Variants in RNF220 observed in about 807,000 individuals in gnomAD.
The protein encoded by RNF220 is ring finger protein 220.
A neutral mutation model predicts 67.1 loss-of-function variants in RNF220; 7 were observed. The ratio of observed to expected loss-of-function variants is 0.10; its 90% confidence interval spans 0.06 to 0.20. The LOEUF (loss-of-function observed/expected upper bound fraction) is 0.20, where lower values mean the gene tolerates loss of function less well. Among genes scored for constraint, RNF220 ranks in the 10% least tolerant of loss-of-function variants. The pLI, the probability that RNF220 is intolerant of heterozygous loss-of-function variation, is 1.00. For synonymous variants in RNF220, 270 were observed against 283.2 expected, an observed-to-expected ratio of 0.95 and a Z score of 0.47; for missense variants, 565 against 740.3, an observed-to-expected ratio of 0.76 and a Z score of 2.75.
intron 2 of RNF220, among the ~76,000 whole-genome samples, chr1:44,465,142 C>A (rs1017294041): frequency 6.6e-6 from 1 of 151,926 alleles, no homozygotes; most frequent in South Asian, 2.1e-4. Context: ...ACCTGAAAAC[C>A]CATACTGTTT....
At chr1:44,596,039 C>T (rs1040765908) in intron 2 of RNF220, among the ~76,000 whole-genome samples, 2 of 152,172 alleles carry the variant, frequency 1.3e-5, no homozygotes, top group African/African-American at 2.4e-5. Flanking sequence ...GCTGGGATTA[C>T]GGGCGTGCGC....
chr1:44,560,969 T>C (rs549938042), intron 2 of RNF220, among the ~76,000 whole-genome samples: 119 of 152,326 alleles, frequency 7.8e-4, no homozygotes, highest in African/African-American at 2.7e-3. Flanking sequence ...AATCGCCTCA[T>C]GAAAGGTAAA....
chr1:44,528,850 G>A (rs745422055), intron 2 of RNF220, among the ~76,000 whole-genome samples: 5 of 152,002 alleles, frequency 3.3e-5, no homozygotes, highest in Non-Finnish European at 5.9e-5. Flanking sequence ...CTGACCTCAG[G>A]CGATCCACCC....
At chr1:44,432,340 G>A (rs779476838) in intron 2 of RNF220, among the ~76,000 whole-genome samples, 3 of 151,686 alleles carry the variant, frequency 2.0e-5, no homozygotes, top group Non-Finnish European at 2.9e-5. Context: ...GCGCGATCTC[G>A]GCTCACTGCA....
At chr1:44,625,026 TGAGAGAGA>T (rs71665956) in intron 4 of RNF220, among the ~76,000 whole-genome samples, 140 of 146,744 alleles carry the variant, frequency 9.5e-4, no homozygotes, top group East Asian at 1.4e-3. Flanking sequence ...CTAGAGAGAA[TGAGAGAGA>T]GAGAGAGAGA....
At chr1:44,463,329 C>CT (rs979876224) in intron 2 of RNF220, among the ~76,000 whole-genome samples, 2 of 144,428 alleles carry the variant, frequency 1.4e-5, no homozygotes, top group Non-Finnish European at 3.0e-5. Flanking sequence ...GAGCAAAACT[C>CT]TGTCTCAAAA....
chr1:44,608,176 C>T lies in RNF220; in HGVS notation c.626-5989C>T, dbSNP rs191115477. 4.0e-3 allele frequency among the ~76,000 whole-genome samples: 606 copies of T among 152,204 alleles called. 6 individuals are homozygous for T. Among genetic ancestry groups the T allele is most frequent in the African/African-American group, 0.014 (582 of 41,524 alleles). ...CTGGCCTTAAGCAGTCCTCCCACCT[C>T]GGCCTCTCGAAGTGCTAGGATTACA... is the stretch of plus-strand genomic sequence containing the variant. On this transcript the variant is annotated intron_variant, in intron 2 of 14. Coordinates refer to ENST00000361799, the MANE Select transcript of RNF220 (RefSeq NM_018150.4).
chr1:44,459,196 A>T (rs1221482729), intron 2 of RNF220, among the ~76,000 whole-genome samples: 1 of 148,188 alleles, frequency 6.7e-6, no homozygotes, highest in Non-Finnish European at 1.5e-5. Flanking sequence ...GTTTTTTTTT[A>T]ATTTCAAGGT....
intron 2 of RNF220, among the ~76,000 whole-genome samples, chr1:44,516,114 A>G (rs1303923885): frequency 6.6e-6 from 1 of 152,220 alleles, no homozygotes. Flanking sequence ...CTTTTTGCTT[A>G]AAATTATGGA....
At chr1:44,548,006 T>G (rs1286890205) in intron 2 of RNF220, among the ~76,000 whole-genome samples, 1 of 152,116 alleles carries the variant, frequency 6.6e-6, no homozygotes, top group East Asian at 1.9e-4. Context: ...TCTCTTTCCT[T>G]CATTTTCTCT....
chr1:44,642,629 A>G (rs1265155471), intron 8 of RNF220, among the ~76,000 whole-genome samples: 1 of 152,196 alleles, frequency 6.6e-6, no homozygotes, highest in Non-Finnish European at 1.5e-5. Context: ...GTGGGCAGTA[A>G]GACTACAGAG....
rs1267437434 is a variant in RNF220 at position 44,417,730 on chromosome 1, G to A, written c.625+5008G>A. Among the ~76,000 whole-genome samples, 2 of 152,230 alleles carry A rather than the reference G, an allele frequency of 1.3e-5. No individual in the cohort carries two copies. Among genetic ancestry groups the A allele is most frequent in the African/African-American group, 2.4e-5 (1 of 41,460 alleles). On this transcript the variant is annotated intron_variant, in intron 2 of 14. Coordinates refer to ENST00000361799, the MANE Select transcript of RNF220 (RefSeq NM_018150.4). This position sits in a 1 kb window ranked among gnomAD's most constrained non-coding sequence, Gnocchi z 4.0. ...GCCCCTCGCCGCTGCCGGCAGAAGG[G>A]TGGCTGGTAATTGATCTTCTGGGGG...
intron 2 of RNF220, among the ~76,000 whole-genome samples, chr1:44,579,747 A>G (rs1371870070): frequency 6.6e-6 from 1 of 152,160 alleles, no homozygotes; most frequent in Non-Finnish European, 1.5e-5. Context: ...CCATGTCCTG[A>G]AGAAGTTGTT....
chr1:44,466,021 C>T (rs1473951140), intron 2 of RNF220, among the ~76,000 whole-genome samples: 2 of 152,118 alleles, frequency 1.3e-5, no homozygotes, highest in East Asian at 1.9e-4. Flanking sequence ...TTCCCTGTAG[C>T]ATGTGATGCT....
intron 2 of RNF220, among the ~76,000 whole-genome samples, chr1:44,461,158 T>C (rs1653722626): frequency 6.6e-6 from 1 of 152,198 alleles, no homozygotes; most frequent in Non-Finnish European, 1.5e-5. Flanking sequence ...AAATATTGCA[T>C]ATTTAATGCA....
At chr1:44,631,696 G>A in intron 5 of RNF220, 1 of 167,466 alleles carries the variant, frequency 6.0e-6, no homozygotes, top group Non-Finnish European at 1.2e-5. Context: ...AAGGGCAGCC[G>A]CGAGAAAGGC....
chr1:44,464,723 T>C (rs180886668), intron 2 of RNF220, among the ~76,000 whole-genome samples: 1 of 152,338 alleles, frequency 6.6e-6, no homozygotes, highest in African/African-American at 2.4e-5. Context: ...TCCCCACTCT[T>C]ACCAAAATCA....
intron 2 of RNF220, among the ~76,000 whole-genome samples, chr1:44,542,982 T>G (rs1289427661): frequency 2.0e-5 from 3 of 152,048 alleles, no homozygotes; most frequent in Non-Finnish European, 4.4e-5. Context: ...TGGAGGGCCC[T>G]GTCTCTCGGC....
rs41269057 is a variant in RNF220, at chr1:44,645,152, T to C, written c.1311-69T>C. 23,360 of 1,610,912 alleles carry C rather than the reference T, an allele frequency of 0.015. 215 individuals are homozygous for C. The highest frequency in any genetic ancestry group is 0.023 in the Admixed American group (1,360 of 60,020). Reference sequence around the variant, plus strand: ...AGCCCTGAGGCAGGGGTTAACGCAGTACTGACCCTCAGGGCTGTCCTGCCC... The same window carrying C: ...AGCCCTGAGGCAGGGGTTAACGCAGCACTGACCCTCAGGGCTGTCCTGCCC... On this transcript the variant is annotated intron_variant, in intron 10 of 14. Transcript: ENST00000361799. The surrounding 1 kb of genome is among the most constrained non-coding windows in gnomAD (Gnocchi z 5.0).
Sources: gnomAD v4.1 joint callset for allele counts (sites outside exome capture counted in the v4.1 genomes callset) on GRCh38, gnomAD v4.1.1 for gene constraint, Gnocchi (gnomAD v3.1) non-coding constraint, MANE v1.5 for transcripts, NCBI Gene and HGNC (gene_info 2026-07-23, HGNC 2026-07-21) for gene names.